Variants in ZC3H13 observed in about 807,000 individuals in gnomAD.
ZC3H13 encodes zinc finger CCCH domain-containing protein 13.
Under a neutral mutation model 204.1 loss-of-function variants are expected in ZC3H13, and 64 were observed. The observed-to-expected ratio is 0.31, with a 90% CI of 0.26 to 0.39. The LOEUF (loss-of-function observed/expected upper bound fraction) is 0.39. Ranked by LOEUF, ZC3H13 falls within the 10% of genes least tolerant of loss-of-function variation. The pLI is 1.00. For synonymous variants in ZC3H13, 667 were observed against 693.7 expected, an observed-to-expected ratio of 0.96 and a Z score of 0.60; for missense variants, 1,833 against 2,082.7, an observed-to-expected ratio of 0.88 and a Z score of 2.33.
rs144367761 is a variant in ZC3H13 at position 45,999,396 on chromosome 13, G to A, written c.944+3743C>T. On this transcript the variant is annotated intron_variant, in intron 8 of 18. Transcript: ENST00000679008. Reference sequence around the variant, plus strand: ...TTTATGTGACACTCTGAATTCTTTGGTGTCACTGTCATTTAAAAAAATGTT... The same window carrying A: ...TTTATGTGACACTCTGAATTCTTTGATGTCACTGTCATTTAAAAAAATGTT... Among the ~76,000 whole-genome samples, 1,112 of 152,280 alleles carry A rather than the reference G, an allele frequency of 7.3e-3. 45 individuals carry two copies. Among genetic ancestry groups the A allele is most frequent in the Admixed American group, 0.066 (1,002 of 15,292 alleles).
Position 45,964,140 on chromosome 13 carries a change from A to G in ZC3H13, c.4475-98T>C. ...CATAAATCAAGGAGAAAACAGAAAAAATGAAAAGTACTTTAAACCAAAAAT... is the reference window on the plus strand; with the variant it reads ...CATAAATCAAGGAGAAAACAGAAAAGATGAAAAGTACTTTAAACCAAAAAT... On this transcript the variant is annotated intron_variant, in intron 16 of 18. Transcript: ENST00000679008. 3 of 1,219,264 alleles carry G rather than the reference A, an allele frequency of 2.5e-6. No homozygotes were observed. In the South Asian group the frequency reaches 4.7e-5, roughly 19 times the overall value. 75.5% of individuals were successfully genotyped at this position (1,219,264 alleles called of 1,614,324 possible). A position where few individuals can be genotyped will look rare whatever the true frequency, so the allele number is the denominator to read the frequency against.
chr13:46,019,952 T>C (rs1426159515), intron 5 of ZC3H13, among the ~76,000 whole-genome samples: 1 of 152,182 alleles, frequency 6.6e-6, no homozygotes, highest in Non-Finnish European at 1.5e-5. Context: ...AGTGAGAGCA[T>C]GTCTCAAGAA....
chr13:45,969,243 G>A lies in ZC3H13; in HGVS notation c.3301C>T (p.Leu1101Phe), dbSNP rs1213766672. The A allele has an allele frequency of 6.2e-7, 1 of 1,614,082 alleles. No individual in the cohort carries two copies. Among genetic ancestry groups the A allele is most frequent in the East Asian group, 2.2e-5 (1 of 44,882 alleles). The change falls in exon 14 of 19, where the codon CTT (leucine) becomes TTT (phenylalanine). Residue 1101 changes from leucine (L) to phenylalanine (F), a missense_variant. By Grantham distance (22) the Leu-to-Phe change is conservative. This residue lies in a region of ZC3H13 where 1,574 missense variants were observed against 1,757.2 expected (regional missense o/e 0.90). Coordinates refer to ENST00000679008, the MANE Select transcript of ZC3H13 (RefSeq NM_001330564.2). ...GTAGCCACAGGCGGTGGAGGAGGAA[G>A]AAGAGAAGATAGAGGAGAAGGGGTA... Reference protein sequence around the residue: ...GSTPSPLSSLLPPPPPVATAT... With the variant: ...GSTPSPLSSLFPPPPPVATAT...
At chr13:45,995,012 G>GAAA (rs750532192) in intron 8 of ZC3H13, among the ~76,000 whole-genome samples, 4 of 46,324 alleles carry the variant, frequency 8.6e-5, no homozygotes, top group African/African-American at 4.6e-4. Context: ...AACTATCAGT[G>GAAA]AAAAAAAAAA....
At chr13:46,001,432 C>T (rs936263272) in intron 8 of ZC3H13, 2 of 152,034 alleles carry the variant, frequency 1.3e-5, no homozygotes, top group African/African-American at 2.4e-5. Flanking sequence ...CATAATCTTC[C>T]AGTATTCCTA....
intron 4 of ZC3H13, among the ~76,000 whole-genome samples, chr13:46,040,365 A>G (rs913308223): frequency 2.6e-5 from 4 of 152,130 alleles, no homozygotes; most frequent in African/African-American, 4.8e-5. Context: ...TAAAAAGACT[A>G]TAATAGAGGA....
intron 8 of ZC3H13, among the ~76,000 whole-genome samples, chr13:45,994,170 C>T (rs1392564639): frequency 6.6e-6 from 1 of 152,204 alleles, no homozygotes; most frequent in Non-Finnish European, 1.5e-5. Flanking sequence ...TTATGATTTT[C>T]TTAACATTTT....
chr13:46,011,301 G>A, intron 6 of ZC3H13, 114 bp downstream of exon 6: 1 of 901,644 alleles, frequency 1.1e-6, no homozygotes, highest in Admixed American at 3.0e-5. Flanking sequence ...ACAGTGGGTT[G>A]ATCAATATAT....
At chr13:45,975,907 A>T in intron 11 of ZC3H13, 69 bp from the exon 12 acceptor site, 2 of 1,433,064 alleles carry the variant, frequency 1.4e-6, no homozygotes, top group Non-Finnish European at 1.8e-6. Flanking sequence ...CAGCATGGTA[A>T]ATCTTAAATT....
intron 8 of ZC3H13, among the ~76,000 whole-genome samples, chr13:45,995,774 G>A (rs1055854039): frequency 3.3e-5 from 5 of 152,162 alleles, no homozygotes; most frequent in South Asian, 2.1e-4. Flanking sequence ...ATGTTTGTAC[G>A]GCCTGCAGAA....
At chr13:46,047,236 T>C (rs2044031747) in intron 1 of ZC3H13, among the ~76,000 whole-genome samples, 1 of 152,062 alleles carries the variant, frequency 6.6e-6, no homozygotes, top group Non-Finnish European at 1.5e-5. Flanking sequence ...GGAAGGAAAA[T>C]ATGAAATAAT....
At chr13:45,970,261 T>A in intron 13 of ZC3H13, 101 bp downstream of exon 13, 1 of 1,340,802 alleles carries the variant, frequency 7.5e-7, no homozygotes, top group Non-Finnish European at 1.0e-6. Context: ...AAGACAACTT[T>A]TTAAAAATCT....
At chr13:46,052,326 G>GGC (rs905394783) in intron 1 of ZC3H13, 78 bp downstream of exon 1, 136 of 388,972 alleles carry the variant, frequency 3.5e-4, no homozygotes, top group African/African-American at 2.5e-3. Flanking sequence ...AAGACGGGGG[G>GGC]GGGTAACCCG....
At chr13:46,033,531 T>C (rs532578922) in intron 4 of ZC3H13, among the ~76,000 whole-genome samples, 98 of 152,142 alleles carry the variant, frequency 6.4e-4, no homozygotes, top group African/African-American at 2.3e-3. Flanking sequence ...CAAAGTTAAG[T>C]AAAAGTCCTG....
At chr13:45,985,095 G>A (rs533068841) in intron 10 of ZC3H13, among the ~76,000 whole-genome samples, 1 of 152,058 alleles carries the variant, frequency 6.6e-6, no homozygotes, top group Non-Finnish European at 1.5e-5. Context: ...ACTTAGGGGG[G>A]GTCTAGCTCA....
At chr13:45,989,547 G>A (rs563697396) in intron 8 of ZC3H13, among the ~76,000 whole-genome samples, 9 of 152,336 alleles carry the variant, frequency 5.9e-5, no homozygotes, top group African/African-American at 1.7e-4. Context: ...GGTAGCATCA[G>A]CTAAGGCAAA....
chr13:46,013,300 G>C (rs1467415172), intron 5 of ZC3H13, among the ~76,000 whole-genome samples: 1 of 151,980 alleles, frequency 6.6e-6, no homozygotes, highest in Admixed American at 6.6e-5. Flanking sequence ...TAGAGTCCCA[G>C]CTACTCAGGA....
At chr13:45,973,356 T>C (rs972123542) in intron 12 of ZC3H13, among the ~76,000 whole-genome samples, 1 of 152,210 alleles carries the variant, frequency 6.6e-6, no homozygotes, top group Non-Finnish European at 1.5e-5. Flanking sequence ...ATTAATCTCA[T>C]GTAATTAGTT....
chr13:45,965,187 TCTTA>T, intron 16 of ZC3H13, 89 bp downstream of exon 16: 1 of 1,445,952 alleles, frequency 6.9e-7, no homozygotes, highest in Non-Finnish European at 9.2e-7. Flanking sequence ...ATTCTAAGTG[TCTTA>T]GGTCAATTTT....
Sources: gnomAD v4.1 joint callset for allele counts (sites outside exome capture counted in the v4.1 genomes callset) on GRCh38, gnomAD v4.1.1 for gene constraint, gnomAD v4.1.1 regional missense constraint, MANE v1.5 for transcripts, NCBI Gene and HGNC (gene_info 2026-07-23, HGNC 2026-07-21) for gene names.